The following RIPOR2 variants were observed in gnomAD, a reference collection of about 807,000 sequenced individuals.
RIPOR2 encodes rho family-interacting cell polarization regulator 2.
A neutral mutation model predicts 114.5 loss-of-function variants in RIPOR2; 39 were observed. The observed-to-expected ratio is 0.34, with a 90% CI of 0.26 to 0.44. The LOEUF is 0.44. Ranked by LOEUF, RIPOR2 falls within the 20% of genes least tolerant of loss-of-function variation. The pLI, the probability that RIPOR2 is intolerant of heterozygous loss-of-function variation, is 1.00. For missense variants in RIPOR2, 1,007 were observed against 1,255.1 expected, an observed-to-expected ratio of 0.80 and a Z score of 2.99; for synonymous variants, 445 against 484.4, an observed-to-expected ratio of 0.92 and a Z score of 1.07.
chr6:24,843,321 C>T lies in RIPOR2; in HGVS notation c.1398G>A (p.Arg466=). The change falls in exon 13 of 22, where the codon AGG becomes AGA. Residue 466 remains arginine (R), a synonymous_variant. Transcript: ENST00000643898. Reference sequence around the variant, plus strand: ...GCTCTTGGCCTTCTCCCAGGGAGTTCCTGGAAGATGCTGAGCTGGTGTCAT... The same window carrying T: ...GCTCTTGGCCTTCTCCCAGGGAGTTTCTGGAAGATGCTGAGCTGGTGTCAT... ...GMDDTSSASS[R]NSLGEGQEPK... 7 of 1,613,906 alleles carry T rather than the reference C, an allele frequency of 4.3e-6. No homozygotes were observed. Among genetic ancestry groups the T allele is most frequent in the Non-Finnish European group, 5.9e-6 (7 of 1,179,876 alleles).
chr6:24,982,823 G>T (rs1355366811), intron 1 of RIPOR2, among the ~76,000 whole-genome samples: 1 of 152,202 alleles, frequency 6.6e-6, no homozygotes, highest in Non-Finnish European at 1.5e-5. Context: ...AGAGAGACAG[G>T]AGTATGGGAT....
rs1781021242 is a variant in RIPOR2 at position 24,809,803 on chromosome 6, G to A, written c.2957C>T (p.Thr986Ile). The A allele has an allele frequency of 1.3e-6, 2 of 1,542,070 alleles. No individual in the cohort carries two copies. The highest frequency in any genetic ancestry group is 2.4e-5 in the South Asian group (2 of 83,892). ...TGTCACCAGCATTTTAATGCTTTCA[G>A]TAGCCTATGGGGGAAAAATAGGTTA... Reference protein sequence around the residue: ...ACLALKILEATESIKMLVTLC... With the variant: ...ACLALKILEAIESIKMLVTLC... Residue 986 changes from threonine to isoleucine, a missense_variant, in exon 21 of 22, where the codon ACT becomes ATT. Thr to Ile is a moderately conservative substitution (Grantham distance 89). Coordinates refer to ENST00000643898, the MANE Select transcript of RIPOR2 (RefSeq NM_001286445.3).
chr6:24,996,987 G>A (rs1436110657), intron 1 of RIPOR2, among the ~76,000 whole-genome samples: 1 of 152,208 alleles, frequency 6.6e-6, no homozygotes, highest in African/African-American at 2.4e-5. Flanking sequence ...TTCCTTAGGG[G>A]CAATCATACA....
At chr6:25,010,494 G>T (rs1375860778) in intron 1 of RIPOR2, among the ~76,000 whole-genome samples, 3 of 152,178 alleles carry the variant, frequency 2.0e-5, no homozygotes, top group Non-Finnish European at 4.4e-5. Flanking sequence ...AGATTACACA[G>T]TTTTTCCTTT....
chr6:24,875,714 G>A lies in RIPOR2; in HGVS notation c.165C>T (p.Ser55=), dbSNP rs767209464. 6 of 1,613,112 alleles carry A rather than the reference G, an allele frequency of 3.7e-6. No homozygotes were observed. The highest frequency in any genetic ancestry group is 2.2e-5 in the South Asian group (2 of 90,862). The change falls in exon 2 of 22, where the codon AGC becomes AGT. Residue 55 remains serine (S), a synonymous_variant. Transcript: ENST00000643898. ...GCCTGGATCGCCTTTCCTGGAGGCC[G>A]CTGAAACCCGCAAAGGACTGGCTTC... ...IIRSQSFAGF[S]GLQERRSRCN... is the part of the protein sequence containing the mutation.
intron 1 of RIPOR2, among the ~76,000 whole-genome samples, chr6:24,945,944 G>A (rs1238935112): frequency 6.6e-6 from 1 of 151,950 alleles, no homozygotes; most frequent in African/African-American, 2.4e-5. Context: ...TCTCACTGTA[G>A]CAAAAGTAAT....
chr6:24,847,598 A>C, intron 12 of RIPOR2: 1 of 1,551,698 alleles, frequency 6.4e-7, no homozygotes, highest in Non-Finnish European at 8.7e-7. Context: ...TCACTGAAGG[A>C]GCGGCTGCGG....
intron 15 of RIPOR2, among the ~76,000 whole-genome samples, chr6:24,835,402 G>A (rs1283932110): frequency 6.6e-6 from 1 of 152,054 alleles, no homozygotes; most frequent in Non-Finnish European, 1.5e-5. Flanking sequence ...GAATACAAAT[G>A]GCTTCCCCCC....
In RIPOR2 at chr6:24,835,830, T is replaced by A; in HGVS notation, c.2081A>T (p.Glu694Val). Residue 694 changes from glutamate (E) to valine (V), a missense_variant, in exon 15 of 22, where the codon GAA (glutamate) becomes GTA (valine). By Grantham distance (121) the Glu-to-Val change is moderately radical (BLOSUM62 -2). Coordinates refer to ENST00000643898, the MANE Select transcript of RIPOR2 (RefSeq NM_001286445.3). Reference protein sequence around the residue: ...VHPEARGHLSEALTEDTGVGT... With the variant: ...VHPEARGHLSVALTEDTGVGT... Reference sequence around the variant, plus strand: ...AACTCCTGTGTCTTCAGTGAGCGCTTCACTGAGATGCCCCCTGGCTTCTGG... The same window carrying A: ...AACTCCTGTGTCTTCAGTGAGCGCTACACTGAGATGCCCCCTGGCTTCTGG... 1 of 1,551,598 alleles carries A rather than the reference T, an allele frequency of 6.4e-7. No individual in the cohort carries two copies. Among genetic ancestry groups the A allele is most frequent in the Non-Finnish European group, 8.7e-7 (1 of 1,146,966 alleles).
chr6:24,999,565 T>C (rs1477871123), intron 1 of RIPOR2, among the ~76,000 whole-genome samples: 1 of 151,724 alleles, frequency 6.6e-6, no homozygotes, highest in East Asian at 1.9e-4. Context: ...ATCCTTTTTT[T>C]TTTTTTTTGA....
intron 14 of RIPOR2, chr6:24,836,131 A>C (rs982961021): frequency 4.5e-6 from 2 of 444,650 alleles, no homozygotes; most frequent in Non-Finnish European, 8.3e-6. Flanking sequence ...CTTATGAAGT[A>C]GTTTCACCCA....
At chr6:25,025,311 T>C (rs6929342) in intron 1 of RIPOR2, among the ~76,000 whole-genome samples, 31,766 of 151,916 alleles carry the variant, frequency 0.21, 4,051 homozygotes, top group East Asian at 0.59. Flanking sequence ...ACACAAATTC[T>C]AATAAGTGTC....
intron 1 of RIPOR2, among the ~76,000 whole-genome samples, chr6:25,027,822 TG>T (rs1409255742): frequency 3.9e-5 from 6 of 152,234 alleles, no homozygotes; most frequent in African/African-American, 1.4e-4. Flanking sequence ...GCAAGTTCCG[TG>T]GGTCAGGGCA....
intron 19 of RIPOR2, among the ~76,000 whole-genome samples, chr6:24,824,163 T>C (rs1399607460): frequency 6.6e-6 from 1 of 152,206 alleles, no homozygotes; most frequent in African/African-American, 2.4e-5. Flanking sequence ...TGCGTATATA[T>C]CCTGCTACCA....
At chr6:24,947,057 TGAA>T (rs948547326) in intron 1 of RIPOR2, among the ~76,000 whole-genome samples, 2 of 150,078 alleles carry the variant, frequency 1.3e-5, no homozygotes, top group African/African-American at 4.9e-5. Context: ...AGAGAAAACG[TGAA>T]GGAGGAGCAG....
chr6:24,939,224 A>T (rs1771984327), upstream of RIPOR2, among the ~76,000 whole-genome samples: 1 of 152,220 alleles, frequency 6.6e-6, no homozygotes, highest in Non-Finnish European at 1.5e-5. Flanking sequence ...ACTCTTAAAC[A>T]CCAGGCTACA....
intron 1 of RIPOR2, among the ~76,000 whole-genome samples, chr6:24,975,829 A>C (rs2113563113): frequency 6.6e-6 from 1 of 152,192 alleles, no homozygotes; most frequent in African/African-American, 2.4e-5. Context: ...TGTACACCCT[A>C]AATATATAAA....
At chr6:24,827,840 C>A (rs1383671002) in intron 18 of RIPOR2, among the ~76,000 whole-genome samples, 1 of 152,196 alleles carries the variant, frequency 6.6e-6, no homozygotes, top group African/African-American at 2.4e-5. Flanking sequence ...ATTGATCCGA[C>A]TAATGGCAAA....
rs79024076 is a variant in RIPOR2 at position 24,913,825 on chromosome 6, C to T, written c.61+22013G>A. Among the ~76,000 whole-genome samples, 865 of 152,240 alleles carry T rather than the reference C, an allele frequency of 5.7e-3. 8 individuals are homozygous for T. Among genetic ancestry groups the T allele is most frequent in the African/African-American group, 0.019 (802 of 41,526 alleles). ...ATCCCCAAAACTTCACTGAGCAGAGCACTCAGATATCTCGGCTGGGTCCTT... is the reference window on the plus strand; with the variant it reads ...ATCCCCAAAACTTCACTGAGCAGAGTACTCAGATATCTCGGCTGGGTCCTT... On this transcript the variant is annotated intron_variant, in intron 1 of 21. Coordinates refer to ENST00000643898, the MANE Select transcript of RIPOR2 (RefSeq NM_001286445.3).
Sources: allele counts gnomAD v4.1 joint callset (sites outside exome capture counted in the v4.1 genomes callset), GRCh38; gene constraint gnomAD v4.1.1; transcripts MANE v1.5; gene names NCBI Gene and HGNC (gene_info 2026-07-23, HGNC 2026-07-21).